CRACD: variants seen among roughly 807,000 people sequenced by gnomAD.
CRACD encodes capping protein-inhibiting regulator of actin dynamics.
CRACD carries 56 observed loss-of-function variants against 106.8 expected under a neutral mutation model. That is an observed-to-expected ratio of 0.52 (90% confidence interval 0.42 to 0.66). The LOEUF is 0.66. CRACD is among the 30% of genes least tolerant of loss of function. CRACD has a pLI of 0.00. For missense variants in CRACD, 1,730 were observed against 1,623.2 expected (o/e 1.07, Z -1.13); for synonymous variants, 754 against 670.8 (o/e 1.12, Z -1.92).
intron 3 of CRACD, among the ~76,000 whole-genome samples, chr4:56,280,027 G>A (rs28576299): frequency 0.45 from 66,180 of 148,112 alleles, 14,792 homozygotes; most frequent in African/African-American, 0.58. Context: ...ATCATTCTCA[G>A]CAAACTATCG....
chr4:56,186,717 G>A (rs1258763432), intron 2 of CRACD, among the ~76,000 whole-genome samples: 7 of 152,128 alleles, frequency 4.6e-5, no homozygotes, highest in Admixed American at 4.6e-4. Context: ...TCTTAACAGA[G>A]AACTGTAAGT....
intron 1 of CRACD, among the ~76,000 whole-genome samples, chr4:56,055,111 G>C (rs1732010797): frequency 1.3e-5 from 2 of 152,136 alleles, no homozygotes; most frequent in Non-Finnish European, 2.9e-5. Flanking sequence ...CAGCTGCTAA[G>C]AGGAATTAGA....
rs112438632 is a variant in CRACD, at chr4:56,307,547, A to G, written c.133A>G (p.Lys45Glu). The change falls in exon 5 of 11, where the codon AAG (lysine) becomes GAG (glutamate). Residue 45 changes from lysine (K) to glutamate (E), a missense_variant. Transcript: ENST00000682029. ...KVKTLQQQLGKNIKFGQRSPN... is the reference protein window; with the variant it reads ...KVKTLQQQLGENIKFGQRSPN... ...TGTTTCTCTCCAGCAACAGTTGGGC[A>G]AGAATATCAAGTTTGGGCAGCGGTC... 1.4e-3 allele frequency: 2,194 copies of G among 1,614,154 alleles called. 23 individuals carry two copies. In the African/African-American group the frequency reaches 0.025, roughly 18 times the overall value.
rs376948958 is a variant in CRACD, at chr4:56,058,125, A to G, written c.-336+8826A>G. ...GCATGAGCCACCGTGCCAGGGGTGC[A>G]GTGGCACCATCTCGGCTCACTGCAG... On this transcript the variant is annotated intron_variant, in intron 1 of 10. Transcript: ENST00000682029. Among the ~76,000 whole-genome samples the G allele has an allele frequency of 7.2e-5, 11 of 151,930 alleles. No individual in the cohort carries two copies. In the East Asian group the frequency reaches 1.4e-3, roughly 19 times the overall value.
chr4:56,313,354 CAAA>C lies in CRACD; in HGVS notation c.513_515del (p.Lys173del). 2 of 1,613,976 alleles carry C rather than the reference CAAA, an allele frequency of 1.2e-6. No homozygotes were observed. The highest frequency in any genetic ancestry group is 1.7e-6 in the Non-Finnish European group (2 of 1,180,000). On this transcript the variant is annotated inframe_deletion, in exon 7 of 11. Coordinates refer to ENST00000682029, the MANE Select transcript of CRACD (RefSeq NM_001393381.1). Reference sequence around the variant, plus strand: ...GTTAAGCCAAAAAAACAGAGGGTGTCAAAGAAGCACAGGCGCCTTGCCCAGGTG... The same window carrying C: ...GTTAAGCCAAAAAAACAGAGGGTGTCGAAGCACAGGCGCCTTGCCCAGGTG...
chr4:56,269,996 A>T (rs974871815), intron 2 of CRACD, among the ~76,000 whole-genome samples: 1 of 152,244 alleles, frequency 6.6e-6, no homozygotes, highest in Non-Finnish European at 1.5e-5. Context: ...GCGTATGTAT[A>T]GCAGGCATCT....
rs142686325 is a variant in CRACD, at chr4:56,251,989, C to G, written c.-188-20332C>G. 1.0e-3 allele frequency among the ~76,000 whole-genome samples: 159 copies of G among 152,250 alleles called. 1 individual carries two copies. Among genetic ancestry groups the G allele is most frequent in the African/African-American group, 3.5e-3 (147 of 41,532 alleles). Reference sequence around the variant, plus strand: ...GTATGCATAAAGTTGTGTATATATACGCATATAAACTGCAAACAGAATTAT... The same window carrying G: ...GTATGCATAAAGTTGTGTATATATAGGCATATAAACTGCAAACAGAATTAT... On this transcript the variant is annotated intron_variant, in intron 2 of 10. Coordinates refer to ENST00000682029, the MANE Select transcript of CRACD (RefSeq NM_001393381.1).
At chr4:56,181,459 A>T (rs1426657240) in intron 2 of CRACD, among the ~76,000 whole-genome samples, 2 of 152,202 alleles carry the variant, frequency 1.3e-5, no homozygotes, top group Non-Finnish European at 2.9e-5. Flanking sequence ...TTCTGCAGTT[A>T]AAGAACACGT....
intron 1 of CRACD, among the ~76,000 whole-genome samples, chr4:56,102,348 T>C (rs1484365709): frequency 6.6e-6 from 1 of 152,204 alleles, no homozygotes; most frequent in African/African-American, 2.4e-5. Context: ...TTGTCTTTTT[T>C]CCGTTCTAAT....
At chr4:56,241,219 A>T (rs1740349816) in intron 2 of CRACD, among the ~76,000 whole-genome samples, 1 of 152,148 alleles carries the variant, frequency 6.6e-6, no homozygotes, top group South Asian at 2.1e-4. Flanking sequence ...CTCATTTCTA[A>T]CTTGAGTGGA....
Position 56,314,761 on chromosome 4 carries a change from G to T in CRACD, c.1259G>T (p.Ser420Ile), listed in dbSNP as rs777605238. 8.2e-6 allele frequency: 13 copies of T among 1,590,762 alleles called. No homozygotes were observed. In the African/African-American group the frequency reaches 1.7e-4, roughly 21 times the overall value. ...AHLEDWRGQL[S>I]ELLNDFEERL... ...CTGGAGGACTGGAGGGGGCAGCTCA[G>T]TGAGCTTCTGAACGACTTTGAGGAG... Residue 420 changes from serine to isoleucine, a missense_variant, in exon 8 of 11, where the codon AGT becomes ATT. Coordinates refer to ENST00000682029, the MANE Select transcript of CRACD (RefSeq NM_001393381.1). The surrounding 1 kb of genome is among the most constrained non-coding windows in gnomAD (Gnocchi z 4.4).
chr4:56,192,392 C>T (rs1401371460), intron 2 of CRACD, among the ~76,000 whole-genome samples: 1 of 148,724 alleles, frequency 6.7e-6, no homozygotes, highest in Non-Finnish European at 1.5e-5. Flanking sequence ...AAGACTCCAT[C>T]TCAAAAAAAA....
chr4:56,299,806 G>T (rs1011366542), intron 4 of CRACD, among the ~76,000 whole-genome samples: 2 of 149,908 alleles, frequency 1.3e-5, no homozygotes, highest in Non-Finnish European at 3.0e-5. Flanking sequence ...CTGTCTGTAA[G>T]TCTACAACAA....
At chr4:56,161,967 T>C (rs905347007) in intron 1 of CRACD, among the ~76,000 whole-genome samples, 8 of 152,056 alleles carry the variant, frequency 5.3e-5, no homozygotes, top group African/African-American at 1.7e-4. Flanking sequence ...TTTCACCTCG[T>C]TGGCCAGGCT....
At chr4:56,090,460 C>T (rs571526812) in intron 1 of CRACD, among the ~76,000 whole-genome samples, 3 of 152,150 alleles carry the variant, frequency 2.0e-5, no homozygotes, top group Non-Finnish European at 4.4e-5. Flanking sequence ...TGCAGTGGCA[C>T]TATCTTGGCT....
At chr4:56,152,678 C>T (rs763081401) in intron 1 of CRACD, among the ~76,000 whole-genome samples, 6 of 152,058 alleles carry the variant, frequency 3.9e-5, no homozygotes, top group Middle Eastern at 3.4e-3. Flanking sequence ...CCAGCCTGGG[C>T]GACAGAGTGA....
At chr4:56,223,471 T>C (rs1739151716) in intron 2 of CRACD, among the ~76,000 whole-genome samples, 1 of 152,186 alleles carries the variant, frequency 6.6e-6, no homozygotes, top group Non-Finnish European at 1.5e-5. Context: ...TTGTGGGTCT[T>C]CTAGTACTTT....
intron 3 of CRACD, among the ~76,000 whole-genome samples, chr4:56,276,289 T>C (rs1742670101): frequency 6.6e-6 from 1 of 152,138 alleles, no homozygotes; most frequent in African/African-American, 2.4e-5. Context: ...TCTTGGTAAA[T>C]AGGTTTGGGG....
rs566097698 is a variant in CRACD, at chr4:56,288,229, C to CT, written c.-16-9978dup. On this transcript the variant is annotated intron_variant, in intron 3 of 10. Coordinates refer to ENST00000682029, the MANE Select transcript of CRACD (RefSeq NM_001393381.1). The stretch of plus-strand genomic sequence containing the variant: ...TTCTTACCTTCCTCCTCCTGCTCTT[C>CT]TTTTTTTAAAAAATTCCATTTTTAT... Among the ~76,000 whole-genome samples, 158 of 152,112 alleles carry CT rather than the reference C, an allele frequency of 1.0e-3. 1 individual carries two copies. The highest frequency in any genetic ancestry group is 3.6e-3 in the African/African-American group (149 of 41,464).
Sources: allele counts gnomAD v4.1 joint callset (sites outside exome capture counted in the v4.1 genomes callset), GRCh38; gene constraint gnomAD v4.1.1; non-coding constraint Gnocchi (gnomAD v3.1); transcripts MANE v1.5; gene names NCBI Gene and HGNC (gene_info 2026-07-23, HGNC 2026-07-21).